The following TFB1M variants were observed in gnomAD, a reference collection of about 807,000 sequenced individuals.
TFB1M encodes the protein dimethyladenosine transferase 1, mitochondrial.
TFB1M carries 27 observed loss-of-function variants against 31.1 expected under a neutral mutation model. The observed-to-expected ratio is 0.87, with a 90% CI of 0.64 to 1.20. The LOEUF is 1.20. Ranked by LOEUF, TFB1M falls within the 50% of genes most tolerant of loss-of-function variation. The pLI, the probability that TFB1M is intolerant of heterozygous loss-of-function variation, is 0.00. For synonymous variants in TFB1M, 166 were observed against 151.8 expected (o/e 1.09, Z -0.69); for missense variants, 394 against 418.7 (o/e 0.94, Z 0.51).
intron 5 of TFB1M, among the ~76,000 whole-genome samples, chr6:155,269,943 T>C (rs1324586987): frequency 6.6e-6 from 1 of 152,216 alleles, no homozygotes; most frequent in Non-Finnish European, 1.5e-5. Flanking sequence ...GGAGAATCAG[T>C]GATGAACGAA....
At chr6:155,312,164 C>A (rs555779112) in intron 1 of TFB1M, among the ~76,000 whole-genome samples, 1 of 152,200 alleles carries the variant, frequency 6.6e-6, no homozygotes, top group African/African-American at 2.4e-5. Context: ...AAAAACATAC[C>A]AGCACTTCTT....
chr6:155,266,298 G>C (rs1168287125), intron 5 of TFB1M, among the ~76,000 whole-genome samples: 1 of 152,196 alleles, frequency 6.6e-6, no homozygotes, highest in Admixed American at 6.5e-5. Flanking sequence ...AAGCCACTGG[G>C]TTGGGCCTGA....
rs1283090010 is a variant in TFB1M, at chr6:155,314,423, A to G, written c.6T>C (p.Ala2=). 2 of 1,614,174 alleles carry G rather than the reference A, an allele frequency of 1.2e-6. No homozygotes were observed. The highest frequency in any genetic ancestry group is 1.7e-6 in the Non-Finnish European group (2 of 1,179,998). M[A]ASGKLSTCRL... The stretch of plus-strand genomic sequence containing the variant: ...GGCAAGTGCTGAGTTTTCCGGAGGC[A>G]GCCATGATACGCGGCAAGCACCATC... The change falls in exon 1 of 7, where the codon GCT becomes GCC. Residue 2 remains alanine (A), a synonymous_variant. Transcript: ENST00000367166.
At chr6:155,259,630 A>G (rs1395974108) in intron 6 of TFB1M, among the ~76,000 whole-genome samples, 2 of 152,236 alleles carry the variant, frequency 1.3e-5, no homozygotes, top group African/African-American at 4.8e-5. Context: ...ATTATCGTAG[A>G]TGGAAATCTT....
intron 1 of TFB1M, among the ~76,000 whole-genome samples, chr6:155,312,485 G>T (rs1372546031): frequency 6.6e-6 from 1 of 152,106 alleles, no homozygotes; most frequent in African/African-American, 2.4e-5. Flanking sequence ...CCTCTCAGAG[G>T]GAACAGGAAT....
At chr6:155,271,035 A>G (rs886859848) in intron 5 of TFB1M, among the ~76,000 whole-genome samples, 3 of 152,242 alleles carry the variant, frequency 2.0e-5, no homozygotes, top group Non-Finnish European at 4.4e-5. Context: ...CTTAGAAAAG[A>G]GGAAAAAGAG....
intron 5 of TFB1M, among the ~76,000 whole-genome samples, chr6:155,280,710 C>T (rs1254546483): frequency 6.6e-6 from 1 of 152,158 alleles, no homozygotes; most frequent in East Asian, 1.9e-4. Flanking sequence ...AAATATACAG[C>T]AGAAATAACA....
intron 5 of TFB1M, chr6:155,275,772 T>C: frequency 6.2e-7 from 1 of 1,613,992 alleles, no homozygotes; most frequent in South Asian, 1.1e-5. Context: ...TTATCTGGGG[T>C]CTCTGGAGTG....
At chr6:155,251,769 G>A (rs113089857), downstream of TFB1M, among the ~76,000 whole-genome samples, 28 of 152,318 alleles carry the variant, frequency 1.8e-4, no homozygotes, top group African/African-American at 6.5e-4. Flanking sequence ...AGGTGCTTCT[G>A]CATAGTTCAA....
In TFB1M at chr6:155,256,336, T is replaced by C; in HGVS notation, c.*1500A>G. The C allele has an allele frequency of 8.6e-7, 1 of 1,163,080 alleles. No homozygotes were observed. The highest frequency in any genetic ancestry group is 1.2e-6 in the Non-Finnish European group (1 of 835,602). The allele number at this position is 1,163,080 out of a possible 1,614,324, so 72.0% of individuals were successfully genotyped here. Reference sequence around the variant, plus strand: ...ATGTCCATGTTTTCAGTAGCTACATTTTTGCCTAATTACCAGGATAGTTGC... The same window carrying C: ...ATGTCCATGTTTTCAGTAGCTACATCTTTGCCTAATTACCAGGATAGTTGC... On this transcript the variant is annotated 3_prime_UTR_variant, in exon 7 of 7. Transcript: ENST00000367166.
intron 2 of TFB1M, among the ~76,000 whole-genome samples, chr6:155,306,930 G>C (rs559818000): frequency 6.6e-6 from 1 of 152,246 alleles, no homozygotes; most frequent in Admixed American, 6.5e-5. Flanking sequence ...AGACCACCAT[G>C]TAGAAATGGT....
intron 5 of TFB1M, chr6:155,260,806 C>T (rs888032736): frequency 6.0e-6 from 2 of 330,762 alleles, no homozygotes. Context: ...AGATGGCAGA[C>T]AGGCCCCCAG....
chr6:155,259,204 G>A (rs536947666), intron 6 of TFB1M, among the ~76,000 whole-genome samples: 4 of 152,216 alleles, frequency 2.6e-5, no homozygotes, highest in Non-Finnish European at 4.4e-5. Flanking sequence ...GTAAGTGTGA[G>A]CCAAAATCCA....
Position 155,268,523 on chromosome 6 carries a change from C to G in TFB1M, c.667-8123G>C, listed in dbSNP as rs184976925. On this transcript the variant is annotated intron_variant, in intron 5 of 6. Coordinates refer to ENST00000367166, the MANE Select transcript of TFB1M (RefSeq NM_016020.4). ...AAAATACTCAGTTAAATTACTGATTCTTTCAGAAAGACAATAAAAGCCTAC... is the reference window on the plus strand; with the variant it reads ...AAAATACTCAGTTAAATTACTGATTGTTTCAGAAAGACAATAAAAGCCTAC... Among the ~76,000 whole-genome samples, 7 of 152,304 alleles carry G rather than the reference C, an allele frequency of 4.6e-5. No homozygotes were observed. In the East Asian group the frequency reaches 1.4e-3, roughly 29 times the overall value.
intron 5 of TFB1M, among the ~76,000 whole-genome samples, chr6:155,275,391 G>A (rs551058568): frequency 6.6e-6 from 1 of 152,212 alleles, no homozygotes; most frequent in South Asian, 2.1e-4. Context: ...AATTAAGTGG[G>A]CAACTGCTTT....
intron 5 of TFB1M, among the ~76,000 whole-genome samples, chr6:155,280,638 T>C (rs758515148): frequency 1.2e-4 from 19 of 152,220 alleles, no homozygotes; most frequent in Non-Finnish European, 2.2e-4. Context: ...AGAAGAGTCT[T>C]AGTTAAGTAG....
chr6:155,244,182 C>T, the TFB1M span: 1 of 1,123,130 alleles, frequency 8.9e-7, no homozygotes, highest in Admixed American at 1.9e-5. Flanking sequence ...CCCAAAAGAA[C>T]ATCCCAAGAC....
At chr6:155,298,840 T>C (rs968256270) in intron 2 of TFB1M, among the ~76,000 whole-genome samples, 3 of 152,212 alleles carry the variant, frequency 2.0e-5, no homozygotes, top group African/African-American at 7.2e-5. Flanking sequence ...TAGTGTAATT[T>C]TGACCTTCAG....
intron 5 of TFB1M, among the ~76,000 whole-genome samples, chr6:155,283,295 G>A (rs1380336561): frequency 6.6e-6 from 1 of 152,110 alleles, no homozygotes; most frequent in Non-Finnish European, 1.5e-5. Context: ...AGCCGGTGTG[G>A]TGGTGCACAC....
Sources: allele counts gnomAD v4.1 joint callset (sites outside exome capture counted in the v4.1 genomes callset), GRCh38; gene constraint gnomAD v4.1.1; transcripts MANE v1.5; gene names NCBI Gene and HGNC (gene_info 2026-07-23, HGNC 2026-07-21).